The following PLS3 variants were observed in gnomAD, a reference collection of about 807,000 sequenced individuals.
PLS3 encodes the protein plastin 3.
Under a neutral mutation model 46.5 loss-of-function variants are expected in PLS3, and 11 were observed. That is an observed-to-expected ratio of 0.24 (90% CI 0.15 to 0.39). The LOEUF (loss-of-function observed/expected upper bound fraction) is 0.39. Ranked by LOEUF, PLS3 falls within the 10% of genes least tolerant of loss-of-function variation. The pLI is 1.00. For synonymous variants in PLS3, 167 were observed against 162.2 expected (o/e 1.03, Z -0.22); for missense variants, 308 against 461.8 (o/e 0.67, Z 3.05).
intron 2 of PLS3, among the ~76,000 whole-genome samples, chrX:115,620,706 CTTT>C (rs1176959674): frequency 5.5e-5 from 3 of 54,732 alleles, no homozygotes; most frequent in African/African-American, 2.4e-4. Flanking sequence ...TTTTTCTTTT[CTTT>C]TTTTTTTTTT....
intron 1 of PLS3, among the ~76,000 whole-genome samples, chrX:115,603,152 G>A (rs1273651431): frequency 8.1e-5 from 9 of 111,369 alleles, no homozygotes; most frequent in South Asian, 3.8e-4. Context: ...TAAATGAGCC[G>A]GTGGAGTGGT....
chrX:115,574,986 T>C (rs782650288), intron 1 of PLS3, among the ~76,000 whole-genome samples: 2 of 111,874 alleles, frequency 1.8e-5, no homozygotes, highest in Non-Finnish European at 3.8e-5. Context: ...CCCATACACT[T>C]TAGCTATCAC....
At chrX:115,596,194 AAGACGTT>A (rs1400883726) in intron 1 of PLS3, among the ~76,000 whole-genome samples, 1 of 112,110 alleles carries the variant, frequency 8.9e-6, no homozygotes, top group Non-Finnish European at 1.9e-5. Flanking sequence ...GAAGAATGTG[AAGACGTT>A]ATTGAACTTG....
intron 1 of PLS3, among the ~76,000 whole-genome samples, chrX:115,576,049 A>G (rs2074246627): frequency 8.9e-6 from 1 of 112,147 alleles, no homozygotes; most frequent in Non-Finnish European, 1.9e-5. Flanking sequence ...CAGCTAATAT[A>G]TTTACTTTTA....
chrX:115,609,573 A>G (rs1481554322), intron 1 of PLS3, among the ~76,000 whole-genome samples: 2 of 112,199 alleles, frequency 1.8e-5, no homozygotes, highest in East Asian at 2.8e-4. Flanking sequence ...TACAAAAACA[A>G]CTGGTGATCC....
At chrX:115,622,755 T>G (rs2074669329) in intron 3 of PLS3, among the ~76,000 whole-genome samples, 1 of 111,324 alleles carries the variant, frequency 9.0e-6, no homozygotes, top group Non-Finnish European at 1.9e-5. Flanking sequence ...TGGTGAACAG[T>G]GTGCTCCAAA....
intron 1 of PLS3, among the ~76,000 whole-genome samples, chrX:115,599,158 T>A (rs954589827): frequency 2.0e-4 from 22 of 109,418 alleles, no homozygotes; most frequent in African/African-American, 6.7e-4. Flanking sequence ...GCATGGACCT[T>A]CTCTCTGCAA....
chrX:115,607,658 A>G (rs1429771634), intron 1 of PLS3, among the ~76,000 whole-genome samples: 3 of 110,741 alleles, frequency 2.7e-5, no homozygotes, highest in Non-Finnish European at 5.7e-5. Flanking sequence ...ACCCGCCATC[A>G]CACTTGGTTA....
rs191032649 is a variant in PLS3 at position 115,648,040 on chromosome X, T to C, written c.1760+23T>C. ...CAAGTAAGGGAGACTGCTAATAGTA[T>C]GAAAAGAACGCAGCTTTGTAGCTGG... On this transcript the variant is annotated intron_variant, in intron 15 of 15. Transcript: ENST00000355899. The C allele has an allele frequency of 8.2e-6, 9 of 1,095,892 alleles. No individual in the cohort carries two copies. The Admixed American group carries it at 1.8e-4, about 22-fold the overall frequency. The allele number at this position is 1,095,892 out of a possible 1,213,427, so 90.3% of individuals were successfully genotyped here. A position where few individuals can be genotyped will look rare whatever the true frequency, so the allele number is the denominator to read the frequency against.
chrX:115,569,897 T>A (rs1430212845), intron 1 of PLS3, among the ~76,000 whole-genome samples: 1 of 111,879 alleles, frequency 8.9e-6, no homozygotes, highest in Admixed American at 9.5e-5. Flanking sequence ...AGAATGGATT[T>A]TAGCATAAAG....
At chrX:115,590,183 C>A (rs1296314046) in intron 1 of PLS3, among the ~76,000 whole-genome samples, 1 of 111,686 alleles carries the variant, frequency 9.0e-6, no homozygotes, top group Admixed American at 9.5e-5. Flanking sequence ...TGTATGGTTT[C>A]TGTTTGTAAC....
intron 1 of PLS3, among the ~76,000 whole-genome samples, chrX:115,574,583 CTT>C (rs1156467493): frequency 9.5e-6 from 1 of 104,852 alleles, no homozygotes. Context: ...TAATATCATA[CTT>C]TTTTTTTTTT....
Position 115,561,213 on chromosome X carries a change from G to GC in PLS3, c.-56_-55insC, listed in dbSNP as rs2074131364. 2.7e-5 allele frequency: 3 copies of GC among 112,386 alleles called. No individual in the cohort carries two copies. Among genetic ancestry groups the GC allele is most frequent in the Non-Finnish European group, 5.6e-5 (3 of 53,311 alleles). 9.3% of individuals were successfully genotyped at this position (112,386 alleles called of 1,213,427 possible). A position where few individuals can be genotyped will look rare whatever the true frequency, so the allele number is the denominator to read the frequency against. ...TCCGAGGTGCAGAAGTTGTCTGAGT[G>GC]GGTTGGTCGGCGGCAGTCGGGCCAG... On this transcript the variant is annotated 5_prime_UTR_variant, in exon 1 of 16. Transcript: ENST00000355899.
At chrX:115,640,552 C>A in intron 9 of PLS3, 49 bp downstream of exon 9, 1 of 660,344 alleles carries the variant, frequency 1.5e-6, no homozygotes, top group Non-Finnish European at 2.5e-6. Flanking sequence ...AAATTATTGT[C>A]AATTTCTTAT....
intron 2 of PLS3, among the ~76,000 whole-genome samples, chrX:115,616,201 CT>C (rs1189042730): frequency 8.9e-6 from 1 of 112,022 alleles, no homozygotes; most frequent in Non-Finnish European, 1.9e-5. Context: ...TTCCAATGCT[CT>C]GTTTTTAAAG....
At chrX:115,647,205 A>T (rs1239649901) in intron 13 of PLS3, among the ~76,000 whole-genome samples, 1 of 111,301 alleles carries the variant, frequency 9.0e-6, no homozygotes, top group Non-Finnish European at 1.9e-5. Context: ...GAGGCCAAGG[A>T]GGGTGGATCA....
At chrX:115,622,214 TCC>T in intron 2 of PLS3, 30 bp from the exon 3 acceptor site, 1 of 1,161,713 alleles carries the variant, frequency 8.6e-7, no homozygotes, top group Non-Finnish European at 1.2e-6. Flanking sequence ...CAATTTTTTT[TCC>T]TTTTTTGCTT....
intron 1 of PLS3, among the ~76,000 whole-genome samples, chrX:115,607,035 T>C (rs2074500519): frequency 9.1e-6 from 1 of 110,403 alleles, no homozygotes; most frequent in Non-Finnish European, 1.9e-5. Flanking sequence ...AGTGGATTGC[T>C]TGAAGCCAGG....
chrX:115,561,469 G>A (rs1308772025), intron 1 of PLS3, among the ~76,000 whole-genome samples: 1 of 111,778 alleles, frequency 8.9e-6, no homozygotes, highest in Non-Finnish European at 1.9e-5. Flanking sequence ...ATGGGTGTGA[G>A]TGACGGGGAG....
Sources: gnomAD v4.1 joint callset for allele counts (sites outside exome capture counted in the v4.1 genomes callset) on GRCh38, gnomAD v4.1.1 for gene constraint, MANE v1.5 for transcripts, NCBI Gene and HGNC (gene_info 2026-07-23, HGNC 2026-07-21) for gene names.